The following DCP2 variants were observed in gnomAD, a reference collection of about 807,000 sequenced individuals.
DCP2 encodes decapping mRNA 2.
DCP2 carries 30 observed loss-of-function variants against 56.1 expected under a neutral mutation model. The observed-to-expected ratio is 0.53, with a 90% CI of 0.40 to 0.73. The LOEUF is 0.73. Ranked by LOEUF, DCP2 falls within the 30% of genes least tolerant of loss-of-function variation. The pLI, the probability that DCP2 is intolerant of heterozygous loss-of-function variation, is 0.00. For synonymous variants in DCP2, 197 were observed against 163.3 expected, an observed-to-expected ratio of 1.21 and a Z score of -1.57; for missense variants, 533 against 502.7, an observed-to-expected ratio of 1.06 and a Z score of -0.58.
chr5:113,005,157 T>TGTGTGTGTGTGTGTGTGG (rs1241367848), intron 8 of DCP2, among the ~76,000 whole-genome samples: 3 of 148,948 alleles, frequency 2.0e-5, no homozygotes, highest in African/African-American at 7.4e-5. Context: ...TGTGGGTGTG[T>TGTGTGTGTGTGTGTGTGG]GTGTGTGTGT....
chr5:112,989,337 A>G (rs1191090054), intron 2 of DCP2, among the ~76,000 whole-genome samples: 1 of 152,164 alleles, frequency 6.6e-6, no homozygotes, highest in Non-Finnish European at 1.5e-5. Flanking sequence ...TCAAAGGGTA[A>G]GTTTAAGAAA....
intron 1 of DCP2, 64 bp from the exon 2 acceptor site, chr5:112,985,771 A>G (rs1226619827): frequency 3.9e-6 from 6 of 1,555,986 alleles, no homozygotes; most frequent in Admixed American, 1.7e-5. Flanking sequence ...AAGCACTTAA[A>G]TAGCTTAAGA....
chr5:113,001,969 G>C (rs180746832), intron 7 of DCP2, among the ~76,000 whole-genome samples: 1 of 152,184 alleles, frequency 6.6e-6, no homozygotes, highest in Non-Finnish European at 1.5e-5. Context: ...TGTGTTCTTA[G>C]TGTTACTTCT....
chr5:112,982,967 C>T (rs181076368), intron 1 of DCP2, among the ~76,000 whole-genome samples: 1 of 152,276 alleles, frequency 6.6e-6, no homozygotes, highest in East Asian at 1.9e-4. Flanking sequence ...CTGGCTCTTA[C>T]ACTTGAGGGT....
intron 10 of DCP2, 79 bp from the exon 11 acceptor site, chr5:113,013,242 T>G: frequency 6.9e-7 from 1 of 1,442,966 alleles, no homozygotes; most frequent in Non-Finnish European, 9.3e-7. Context: ...CTAATTGTTT[T>G]GTAACAAAAG....
At chr5:113,011,125 G>T (rs1253003657) in intron 10 of DCP2, among the ~76,000 whole-genome samples, 1 of 152,130 alleles carries the variant, frequency 6.6e-6, no homozygotes, top group Non-Finnish European at 1.5e-5. Flanking sequence ...TATTGTAAAG[G>T]CTAGGAAACC....
chr5:112,978,285 A>C (rs762076171), intron 1 of DCP2, among the ~76,000 whole-genome samples: 33 of 152,108 alleles, frequency 2.2e-4, no homozygotes, highest in Non-Finnish European at 2.2e-4. Flanking sequence ...TGGAGTTTCT[A>C]CTGTGCACCA....
chr5:113,007,664 T>C, intron 8 of DCP2, among the ~76,000 whole-genome samples: 1 of 151,918 alleles, frequency 6.6e-6, no homozygotes, highest in East Asian at 1.9e-4. Flanking sequence ...CCCAAAATGC[T>C]GGGATTACAG....
chr5:112,978,044 C>G (rs890450788), intron 1 of DCP2, among the ~76,000 whole-genome samples: 3 of 151,954 alleles, frequency 2.0e-5, no homozygotes, highest in Non-Finnish European at 4.4e-5. Flanking sequence ...GTGGTGCGGT[C>G]TTGGCTCACT....
Position 112,985,946 on chromosome 5 carries a change from A to G in DCP2, c.165A>G (p.Pro55=). 6.3e-7 allele frequency: 1 copy of G among 1,596,648 alleles called. No homozygotes were observed. Among genetic ancestry groups the G allele is most frequent in the Non-Finnish European group, 8.6e-7 (1 of 1,166,784 alleles). Residue 55 remains proline, a synonymous_variant, in exon 2 of 11, where the codon CCA becomes CCG. Transcript: ENST00000389063. ...TGGATTTCTACATGCAGAACACACC[A>G]GGATTACCTCAGTGTGGGATAAGAG... The part of the protein sequence containing the change: ...FYLDFYMQNT[P]GLPQCGIRDF...
intron 10 of DCP2, among the ~76,000 whole-genome samples, chr5:113,012,570 A>T (rs887053183): frequency 6.7e-6 from 1 of 149,478 alleles, no homozygotes; most frequent in East Asian, 1.9e-4. Flanking sequence ...AGGAGGGGGG[A>T]AAAAATCCCA....
At chr5:112,979,339 AT>A (rs1247212244) in intron 1 of DCP2, among the ~76,000 whole-genome samples, 1 of 152,180 alleles carries the variant, frequency 6.6e-6, no homozygotes, top group Non-Finnish European at 1.5e-5. Context: ...TATAGCTTTG[AT>A]TAATTGAAAT....
chr5:113,005,454 T>C (rs1442748881), intron 8 of DCP2, among the ~76,000 whole-genome samples: 3 of 152,126 alleles, frequency 2.0e-5, no homozygotes, highest in African/African-American at 7.2e-5. Flanking sequence ...CAGTGAGATA[T>C]CACTTCTTAC....
At chr5:112,998,475 A>G (rs187086935) in intron 4 of DCP2, among the ~76,000 whole-genome samples, 210 of 152,330 alleles carry the variant, frequency 1.4e-3, no homozygotes, top group Non-Finnish European at 2.5e-3. Flanking sequence ...CTTATATCAT[A>G]TTAAAATTTT....
intron 1 of DCP2, among the ~76,000 whole-genome samples, chr5:112,978,340 C>A (rs890215269): frequency 1.3e-5 from 2 of 152,170 alleles, no homozygotes; most frequent in African/African-American, 4.8e-5. Flanking sequence ...CTCAGTCAGC[C>A]GTGTTTGGTA....
At chr5:112,992,007 A>G (rs1223347607) in intron 2 of DCP2, 114 bp from the exon 3 acceptor site, 34 of 1,449,484 alleles carry the variant, frequency 2.3e-5, no homozygotes, top group Non-Finnish European at 3.2e-5. Context: ...TAAATGAGGG[A>G]AGATTTGAAT....
rs373708284 is a variant in DCP2, at chr5:113,001,657, C to G, written c.789C>G (p.Pro263=). The change falls in exon 7 of 11, where the codon CCC becomes CCG. Residue 263 remains proline, a synonymous_variant. Coordinates refer to ENST00000389063, the MANE Select transcript of DCP2 (RefSeq NM_152624.6). ...CAACTGGTAGCACGCCGGCTAAACC[C>G]ACTGTGGAAAAATTGAGGTAAAGAA... The part of the protein sequence containing the change: ...FSSTGSTPAK[P]TVEKLSRTKF... 1.2e-5 allele frequency: 19 copies of G among 1,614,038 alleles called. No homozygotes were observed. The highest frequency in any genetic ancestry group is 1.6e-5 in the Non-Finnish European group (19 of 1,179,944).
chr5:112,992,050 G>T, intron 2 of DCP2, 71 bp from the exon 3 acceptor site: 1 of 1,548,542 alleles, frequency 6.5e-7, no homozygotes, highest in South Asian at 1.2e-5. Flanking sequence ...TGATTTAAAT[G>T]GGTCTCTTTC....
chr5:112,977,546 T>C (rs1309109268), intron 1 of DCP2, among the ~76,000 whole-genome samples: 1 of 152,202 alleles, frequency 6.6e-6, no homozygotes, highest in East Asian at 1.9e-4. Context: ...TTTTTTTTTC[T>C]CATCCCTGGA....
Sources: allele counts gnomAD v4.1 joint callset (sites outside exome capture counted in the v4.1 genomes callset), GRCh38; gene constraint gnomAD v4.1.1; transcripts MANE v1.5; gene names NCBI Gene and HGNC (gene_info 2026-07-23, HGNC 2026-07-21).